CAMKMT: variants seen among roughly 807,000 people sequenced by gnomAD.
The protein encoded by CAMKMT is CaM KMT.
A neutral mutation model predicts 48.0 loss-of-function variants in CAMKMT; 53 were observed. That is an observed-to-expected ratio of 1.10 (90% CI 0.89 to 1.39). The LOEUF (loss-of-function observed/expected upper bound fraction) is 1.39. CAMKMT is among the 40% of genes most tolerant of loss of function. CAMKMT has a pLI of 0.00. For synonymous variants in CAMKMT, 165 were observed against 152.3 expected (o/e 1.08, Z -0.61); for missense variants, 428 against 402.7 (o/e 1.06, Z -0.54).
At chr2:44,758,800 C>T (rs1186549077) in intron 9 of CAMKMT, among the ~76,000 whole-genome samples, 5 of 152,132 alleles carry the variant, frequency 3.3e-5, no homozygotes, top group Non-Finnish European at 2.9e-5. Flanking sequence ...AAAATATAGG[C>T]GCAGCAGCCT....
intron 3 of CAMKMT, among the ~76,000 whole-genome samples, chr2:44,515,489 C>G (rs1211665821): frequency 1.3e-5 from 2 of 152,146 alleles, no homozygotes; most frequent in Non-Finnish European, 2.9e-5. Flanking sequence ...ATAGGCAATT[C>G]ATTCACCTGT....
At chr2:44,454,402 C>T (rs1350625764) in intron 3 of CAMKMT, among the ~76,000 whole-genome samples, 1 of 152,096 alleles carries the variant, frequency 6.6e-6, no homozygotes, top group Non-Finnish European at 1.5e-5. Flanking sequence ...AATAATGTTT[C>T]TGACCCTACC....
intron 3 of CAMKMT, among the ~76,000 whole-genome samples, chr2:44,656,022 C>T (rs1184798367): frequency 6.6e-6 from 1 of 152,094 alleles, no homozygotes; most frequent in Non-Finnish European, 1.5e-5. Flanking sequence ...GTAGGCAAAA[C>T]ATTAGTTTCT....
chr2:44,363,108 A>G (rs1269511822), intron 1 of CAMKMT, among the ~76,000 whole-genome samples: 1 of 152,158 alleles, frequency 6.6e-6, no homozygotes, highest in Non-Finnish European at 1.5e-5. Context: ...CTTTTCATAC[A>G]GTGGTCTTTT....
At chr2:44,623,818 A>G (rs1367889511) in intron 3 of CAMKMT, among the ~76,000 whole-genome samples, 1 of 152,198 alleles carries the variant, frequency 6.6e-6, no homozygotes, top group Non-Finnish European at 1.5e-5. Flanking sequence ...CTCCACCACC[A>G]GGAAGCTACA....
intron 6 of CAMKMT, among the ~76,000 whole-genome samples, chr2:44,712,575 T>A (rs1677940752): frequency 6.6e-6 from 1 of 152,178 alleles, no homozygotes; most frequent in African/African-American, 2.4e-5. Context: ...CCGGTTTCTT[T>A]TTAGCCACAA....
At chr2:44,725,143 C>CGTGTGTGTGTGTGTGTGTGTGTGTGT (rs4039394) in intron 7 of CAMKMT, among the ~76,000 whole-genome samples, 8 of 140,556 alleles carry the variant, frequency 5.7e-5, no homozygotes, top group Non-Finnish European at 1.2e-4. Flanking sequence ...GCTTTCTGGA[C>CGTGTGTGTGTGTGTGTGTGTGTGTGT]GTGTGTGTGT....
chr2:44,680,961 C>A (rs1478128201), intron 3 of CAMKMT, among the ~76,000 whole-genome samples: 1 of 152,170 alleles, frequency 6.6e-6, no homozygotes, highest in African/African-American at 2.4e-5. Flanking sequence ...CTGCGCTAAG[C>A]CTTTAACTTC....
intron 3 of CAMKMT, among the ~76,000 whole-genome samples, chr2:44,404,991 C>G (rs1450097765): frequency 6.6e-6 from 1 of 151,888 alleles, no homozygotes; most frequent in Non-Finnish European, 1.5e-5. Context: ...GGCAAAAATA[C>G]GAAAATGCGT....
At chr2:44,635,350 T>C (rs1673067065) in intron 3 of CAMKMT, among the ~76,000 whole-genome samples, 1 of 152,210 alleles carries the variant, frequency 6.6e-6, no homozygotes, top group South Asian at 2.1e-4. Context: ...TTTCTGACTA[T>C]ATATCCAGCC....
intron 2 of CAMKMT, among the ~76,000 whole-genome samples, chr2:44,383,376 G>C (rs1680454859): frequency 6.6e-6 from 1 of 152,026 alleles, no homozygotes; most frequent in South Asian, 2.1e-4. Flanking sequence ...TACTGGCCAA[G>C]CTGGTCTCAA....
intron 3 of CAMKMT, among the ~76,000 whole-genome samples, chr2:44,566,248 T>C (rs552730532): frequency 6.6e-6 from 1 of 152,316 alleles, no homozygotes; most frequent in Non-Finnish European, 1.5e-5. Flanking sequence ...GTTATCCTCC[T>C]AGCATGATGA....
At chr2:44,401,079 T>G (rs1463098169) in intron 3 of CAMKMT, 2 of 151,872 alleles carry the variant, frequency 1.3e-5, no homozygotes, top group Non-Finnish European at 2.9e-5. Flanking sequence ...TGTGCTGTCC[T>G]GCATTTTCAA....
chr2:44,598,969 C>T (rs558873263), intron 3 of CAMKMT, among the ~76,000 whole-genome samples: 1 of 151,830 alleles, frequency 6.6e-6, no homozygotes, highest in African/African-American at 2.4e-5. Flanking sequence ...AAAAGCATAG[C>T]ATTTTTGTCT....
At chr2:44,502,106 A>C (rs1259585027) in intron 3 of CAMKMT, among the ~76,000 whole-genome samples, 1 of 151,708 alleles carries the variant, frequency 6.6e-6, no homozygotes, top group Non-Finnish European at 1.5e-5. Flanking sequence ...CTGTAATCCC[A>C]ACTACTCAGG....
chr2:44,511,512 C>G (rs539236970), intron 3 of CAMKMT, among the ~76,000 whole-genome samples: 50 of 152,270 alleles, frequency 3.3e-4, no homozygotes, highest in Non-Finnish European at 6.6e-4. Context: ...TGGTCTCAAA[C>G]TCCTGACCTC....
chr2:44,390,656 G>T (rs111366024), intron 3 of CAMKMT, among the ~76,000 whole-genome samples: 3,000 of 152,040 alleles, frequency 0.02, 115 homozygotes, highest in African/African-American at 0.069. Flanking sequence ...CAGTAGTGGG[G>T]CTGTTTCTTC....
chr2:44,449,812 A>G (rs2104587447), intron 3 of CAMKMT, among the ~76,000 whole-genome samples: 1 of 152,252 alleles, frequency 6.6e-6, no homozygotes, highest in East Asian at 1.9e-4. Flanking sequence ...TCCTTAGTAA[A>G]TCTTTGGGGA....
At chr2:44,749,912 C>A (rs1042004196) in intron 8 of CAMKMT, among the ~76,000 whole-genome samples, 34 of 152,136 alleles carry the variant, frequency 2.2e-4, no homozygotes, top group African/African-American at 8.2e-4. Flanking sequence ...GAGGCCAAAT[C>A]AGAAGGGTCT....
Sources: allele counts gnomAD v4.1 joint callset (sites outside exome capture counted in the v4.1 genomes callset), GRCh38; gene constraint gnomAD v4.1.1; transcripts MANE v1.5; gene names NCBI Gene and HGNC (gene_info 2026-07-23, HGNC 2026-07-21).